The following UXS1 variants were observed in gnomAD, a reference collection of about 807,000 sequenced individuals.
The protein encoded by UXS1 is UDP-glucuronate decarboxylase 1.
A neutral mutation model predicts 62.6 loss-of-function variants in UXS1; 33 were observed. That is an observed-to-expected ratio of 0.53 (90% CI 0.40 to 0.70). The LOEUF (loss-of-function observed/expected upper bound fraction) is 0.70, where lower values mean the gene tolerates loss of function less well. Ranked by LOEUF, UXS1 falls within the 30% of genes least tolerant of loss-of-function variation. The pLI, the probability that UXS1 is intolerant of heterozygous loss-of-function variation, is 0.00. For synonymous variants in UXS1, 213 were observed against 206.8 expected (o/e 1.03, Z -0.26); for missense variants, 434 against 556.3 (o/e 0.78, Z 2.21).
intron 13 of UXS1, chr2:106,097,692 T>TG (rs1677234281): frequency 5.2e-6 from 1 of 193,500 alleles, no homozygotes; most frequent in African/African-American, 2.3e-5. Context: ...AACACACATC[T>TG]GATGATGCTG....
rs117759994 is a variant in UXS1 at position 106,096,587 on chromosome 2, C to T, written c.1146+131G>A. On this transcript the variant is annotated intron_variant, in intron 14 of 14. Transcript: ENST00000283148. The stretch of plus-strand genomic sequence containing the variant: ...CTGTTTACCACTTGGAGAAAACCCT[C>T]TATCTGCCTGGATGCCGAGCCCACC... The T allele has an allele frequency of 7.7e-4, 525 of 683,804 alleles. 6 individuals are homozygous for T. The East Asian group carries it at 0.014, about 19-fold the overall frequency. 42.4% of individuals were successfully genotyped at this position (683,804 alleles called of 1,614,324 possible).
rs138259399 is a variant in UXS1 at position 106,163,653 on chromosome 2, A to G, written c.230+14T>C. 126 of 1,463,116 alleles carry G rather than the reference A, an allele frequency of 8.6e-5. 1 individual carries two copies. In the East Asian group the frequency reaches 2.9e-3, roughly 33 times the overall value. 90.6% of individuals were successfully genotyped at this position (1,463,116 alleles called of 1,614,324 possible). ...TATTTTAACTATTGACTTTAAGACAAAAAGTACACATACCTTTTTTCTAAA... is the reference window on the plus strand; with the variant it reads ...TATTTTAACTATTGACTTTAAGACAGAAAGTACACATACCTTTTTTCTAAA... On this transcript the variant is annotated intron_variant, in intron 4 of 14. Coordinates refer to ENST00000283148, the MANE Select transcript of UXS1 (RefSeq NM_001253875.2).
chr2:106,175,865 T>A (rs1327258891), intron 1 of UXS1, among the ~76,000 whole-genome samples: 1 of 152,204 alleles, frequency 6.6e-6, no homozygotes, highest in Non-Finnish European at 1.5e-5. Context: ...CAACGGTAAC[T>A]GTTTTCTGCC....
intron 12 of UXS1, among the ~76,000 whole-genome samples, chr2:106,100,130 TTAAGGGGGAGGTCTCTGTGAGC>T (rs1390101119): frequency 1.3e-5 from 2 of 151,838 alleles, no homozygotes; most frequent in African/African-American, 4.8e-5. Flanking sequence ...CAAGGTAGGG[TTAAGGGGGAGGTCTCTGTGAGC>T]TAAGAGGTTC....
intron 11 of UXS1, among the ~76,000 whole-genome samples, chr2:106,103,688 T>G (rs1677804061): frequency 1.3e-5 from 2 of 152,220 alleles, no homozygotes; most frequent in Admixed American, 1.3e-4. Context: ...AGTACACTTC[T>G]GGGCTTTTGC....
intron 9 of UXS1, among the ~76,000 whole-genome samples, chr2:106,113,464 T>C (rs1239732064): frequency 6.6e-6 from 1 of 152,218 alleles, no homozygotes; most frequent in Non-Finnish European, 1.5e-5. Flanking sequence ...TTAATGCTTC[T>C]ATTTTTACTA....
intron 9 of UXS1, among the ~76,000 whole-genome samples, chr2:106,120,064 C>T (rs759086786): frequency 2.6e-5 from 4 of 152,190 alleles, no homozygotes; most frequent in Non-Finnish European, 4.4e-5. Context: ...TTTCCTCCCT[C>T]CTCAGCACCC....
chr2:106,160,226 G>A (rs1421951557), intron 4 of UXS1: 1 of 152,192 alleles, frequency 6.6e-6, no homozygotes, highest in African/African-American at 2.4e-5. Flanking sequence ...AGTTATTTGT[G>A]TGCACCTCTC....
chr2:106,116,938 C>T (rs1053561914), intron 9 of UXS1, among the ~76,000 whole-genome samples: 11 of 152,194 alleles, frequency 7.2e-5, no homozygotes, highest in African/African-American at 1.9e-4. Context: ...TTTTAAAATG[C>T]AACCATTCAG....
At chr2:106,156,707 T>C (rs541881296) in intron 5 of UXS1, among the ~76,000 whole-genome samples, 5 of 152,320 alleles carry the variant, frequency 3.3e-5, no homozygotes, top group Admixed American at 3.3e-4. Flanking sequence ...ACAATGTAAA[T>C]GTTATGTAAA....
At chr2:106,172,894 A>C (rs931059801) in intron 1 of UXS1, among the ~76,000 whole-genome samples, 12 of 151,966 alleles carry the variant, frequency 7.9e-5, no homozygotes, top group African/African-American at 2.7e-4. Context: ...TTGCACTTAC[A>C]CTTCTCCCAA....
intron 4 of UXS1, chr2:106,159,362 T>A (rs1423790964): frequency 6.6e-6 from 1 of 152,240 alleles, no homozygotes; most frequent in African/African-American, 2.4e-5. Context: ...AATCACGGCA[T>A]CCTCTTCCTG....
At position 106,193,574 on chromosome 2, in the gene UXS1, T is replaced by A. The variant is rs1685069667; in HGVS notation, c.94+574A>T. 1.3e-5 allele frequency among the ~76,000 whole-genome samples: 2 copies of A among 151,582 alleles called. 1 individual carries two copies. The highest frequency in any genetic ancestry group is 4.2e-4 in the South Asian group (2 of 4,786). ...GGCCGCCGAGCCCCGGGGGAAAACC[T>A]AGAATGGGGATGCCGGTGCGCCCCG... On this transcript the variant is annotated intron_variant, in intron 1 of 14. Coordinates refer to ENST00000283148, the MANE Select transcript of UXS1 (RefSeq NM_001253875.2).
intron 1 of UXS1, among the ~76,000 whole-genome samples, chr2:106,184,538 G>C (rs1684442074): frequency 6.6e-6 from 1 of 152,218 alleles, no homozygotes; most frequent in Non-Finnish European, 1.5e-5. Flanking sequence ...AGGTTGGGAA[G>C]TGCAAGATCA....
chr2:106,099,958 T>C (rs1171582967), intron 12 of UXS1, among the ~76,000 whole-genome samples: 1 of 152,234 alleles, frequency 6.6e-6, no homozygotes, highest in African/African-American at 2.4e-5. Context: ...ATGCATGGTC[T>C]GCAATGTATT....
chr2:106,150,690 G>A (rs1286256371), intron 5 of UXS1, among the ~76,000 whole-genome samples: 11 of 152,230 alleles, frequency 7.2e-5, no homozygotes, highest in East Asian at 5.8e-4. Flanking sequence ...CAAATAGCCC[G>A]GGACAGGGTG....
intron 3 of UXS1, 28 bp downstream of exon 3, chr2:106,164,708 T>TA: frequency 6.7e-7 from 1 of 1,494,092 alleles, no homozygotes; most frequent in Non-Finnish European, 9.1e-7. Context: ...ACAGATGAAA[T>TA]AGATACAAAA....
chr2:106,117,471 C>T (rs1026735287), intron 9 of UXS1, among the ~76,000 whole-genome samples: 2 of 152,168 alleles, frequency 1.3e-5, no homozygotes, highest in Non-Finnish European at 2.9e-5. Flanking sequence ...GTAGCAGTTT[C>T]CAAGAACCTG....
chr2:106,120,959 C>T (rs550384364), intron 9 of UXS1, among the ~76,000 whole-genome samples: 1 of 152,340 alleles, frequency 6.6e-6, no homozygotes, highest in East Asian at 1.9e-4. Context: ...AGGTATATTA[C>T]TCACAGTTTT....
Sources: gnomAD v4.1 joint callset for allele counts (sites outside exome capture counted in the v4.1 genomes callset) on GRCh38, gnomAD v4.1.1 for gene constraint, MANE v1.5 for transcripts, NCBI Gene and HGNC (gene_info 2026-07-23, HGNC 2026-07-21) for gene names.